CACNA2D3: variants seen among roughly 807,000 people sequenced by gnomAD.
CACNA2D3 encodes calcium voltage-gated channel auxiliary subunit alpha2delta 3.
Under a neutral mutation model 160.6 loss-of-function variants are expected in CACNA2D3, and 60 were observed. That is an observed-to-expected ratio of 0.37 (90% CI 0.30 to 0.46). The LOEUF (loss-of-function observed/expected upper bound fraction) is 0.46, where lower values mean the gene tolerates loss of function less well. Ranked by LOEUF, CACNA2D3 falls within the 20% of genes least tolerant of loss-of-function variation. The pLI is 1.00. For synonymous variants in CACNA2D3, 558 were observed against 492.9 expected (o/e 1.13, Z -1.75); for missense variants, 1,205 against 1,365.0 (o/e 0.88, Z 1.85).
At chr3:54,303,818 G>GTTTTTT (rs71617795) in intron 2 of CACNA2D3, among the ~76,000 whole-genome samples, 85 of 114,996 alleles carry the variant, frequency 7.4e-4, no homozygotes, top group South Asian at 1.4e-3. Flanking sequence ...CTTTTTTTCT[G>GTTTTTT]TTTTTTTTTT....
chr3:54,718,108 A>T (rs1701097421), intron 11 of CACNA2D3, among the ~76,000 whole-genome samples: 1 of 152,190 alleles, frequency 6.6e-6, no homozygotes. Context: ...TTAATGATTT[A>T]TAGTCATTCT....
Position 54,964,827 on chromosome 3 carries a change from T to G in CACNA2D3, c.2450-3623T>G, listed in dbSNP as rs115235317. ...GGAGAGGGTTATTCTTATTTTTTTT[T>G]TTGTTGCCTTGTTTTTTGCACTTTA... is the stretch of plus-strand genomic sequence containing the variant. On this transcript the variant is annotated intron_variant, in intron 27 of 37. Transcript: ENST00000474759. Among the ~76,000 whole-genome samples the G allele has an allele frequency of 3.7e-3, 569 of 152,210 alleles. 7 individuals are homozygous for G. Among genetic ancestry groups the G allele is most frequent in the African/African-American group, 0.011 (476 of 41,542 alleles).
intron 35 of CACNA2D3, among the ~76,000 whole-genome samples, chr3:55,028,979 A>G (rs1703624177): frequency 6.6e-6 from 1 of 152,262 alleles, no homozygotes; most frequent in South Asian, 2.1e-4. Flanking sequence ...AGCTGTGTTG[A>G]CATGTTTCGT....
At chr3:54,389,985 T>A (rs1213115840) in intron 4 of CACNA2D3, among the ~76,000 whole-genome samples, 1 of 152,240 alleles carries the variant, frequency 6.6e-6, no homozygotes, top group Non-Finnish European at 1.5e-5. Context: ...TGATTTTTTC[T>A]GGCTTCATTG....
intron 11 of CACNA2D3, among the ~76,000 whole-genome samples, chr3:54,683,962 CTTTTTTTTTTT>C (rs61481695): frequency 1.3e-4 from 14 of 110,808 alleles, no homozygotes; most frequent in South Asian, 5.7e-4. Flanking sequence ...AAATTTCCAC[CTTTTTTTTTTT>C]TTTTTTTTTT....
At chr3:54,832,536 T>C (rs1376830980) in intron 14 of CACNA2D3, among the ~76,000 whole-genome samples, 1 of 152,228 alleles carries the variant, frequency 6.6e-6, no homozygotes, top group African/African-American at 2.4e-5. Context: ...GAAATCACTC[T>C]GCGGCAGACT....
chr3:54,934,755 C>T (rs1291012436), intron 27 of CACNA2D3, among the ~76,000 whole-genome samples: 1 of 152,090 alleles, frequency 6.6e-6, no homozygotes, highest in East Asian at 1.9e-4. Context: ...TTTGTTGAGA[C>T]AGAGTGTCAC....
At position 55,073,772 on chromosome 3, in the gene CACNA2D3, T is replaced by C. The variant is rs1484230747; in HGVS notation, c.3101-5T>C. The stretch of plus-strand genomic sequence containing the variant: ...CCTTGGAAACATGCCTTAACTACAG[T>C]CAACATAATGAATCCCTTAAGTGTG... On this transcript the variant is annotated splice_region_variant and splice_polypyrimidine_tract_variant and intron_variant, in intron 36 of 37. Coordinates refer to ENST00000474759, the MANE Select transcript of CACNA2D3 (RefSeq NM_018398.3). 1 of 1,611,510 alleles carries C rather than the reference T, an allele frequency of 6.2e-7. No homozygotes were observed. The highest frequency in any genetic ancestry group is 1.1e-5 in the South Asian group (1 of 90,816).
intron 9 of CACNA2D3, among the ~76,000 whole-genome samples, chr3:54,586,606 T>A (rs1702767022): frequency 6.6e-6 from 1 of 152,166 alleles, no homozygotes; most frequent in South Asian, 2.1e-4. Context: ...CAGTCACCAG[T>A]TGATAGGCTA....
At chr3:54,204,147 C>T (rs951451609) in intron 2 of CACNA2D3, among the ~76,000 whole-genome samples, 7 of 152,064 alleles carry the variant, frequency 4.6e-5, no homozygotes, top group African/African-American at 7.2e-5. Context: ...CTCTGATTCT[C>T]GGGTCTCCAG....
chr3:54,741,592 T>G (rs72872290), intron 11 of CACNA2D3, among the ~76,000 whole-genome samples: 2,741 of 95,082 alleles, frequency 0.029, 87 homozygotes, highest in African/African-American at 0.081. Context: ...AAAAAAATAA[T>G]AAGAAAAATA....
chr3:54,870,623 G>C (rs568411712), intron 17 of CACNA2D3, among the ~76,000 whole-genome samples: 1 of 152,262 alleles, frequency 6.6e-6, no homozygotes, highest in South Asian at 2.1e-4. Flanking sequence ...AAAATGGTAG[G>C]CTTGCAGGGT....
chr3:54,858,787 A>G (rs1699223960), intron 17 of CACNA2D3, among the ~76,000 whole-genome samples: 1 of 152,172 alleles, frequency 6.6e-6, no homozygotes, highest in Admixed American at 6.5e-5. Flanking sequence ...CTGACAGCAG[A>G]ATATCCAAAT....
intron 2 of CACNA2D3, among the ~76,000 whole-genome samples, chr3:54,292,812 A>G (rs905622877): frequency 1.3e-5 from 2 of 152,230 alleles, no homozygotes; most frequent in Non-Finnish European, 2.9e-5. Flanking sequence ...TGACCCAGCA[A>G]TTTCATTCCT....
intron 16 of CACNA2D3, among the ~76,000 whole-genome samples, chr3:54,842,811 G>T (rs377544800): frequency 2.6e-5 from 4 of 151,466 alleles, no homozygotes; most frequent in African/African-American, 2.4e-5. Flanking sequence ...ATGTTCACCA[G>T]GCTGGTCTTG....
chr3:54,328,344 C>G (rs948652931), intron 3 of CACNA2D3, among the ~76,000 whole-genome samples: 1 of 152,132 alleles, frequency 6.6e-6, no homozygotes, highest in Non-Finnish European at 1.5e-5. Flanking sequence ...TGCAATGGCC[C>G]GATCTTGGCT....
intron 4 of CACNA2D3, among the ~76,000 whole-genome samples, chr3:54,432,099 C>T (rs1040944129): frequency 3.9e-5 from 6 of 152,058 alleles, no homozygotes; most frequent in African/African-American, 1.5e-4. Context: ...ACTGTGTTTT[C>T]AGGCAACACG....
intron 11 of CACNA2D3, among the ~76,000 whole-genome samples, chr3:54,729,750 A>G (rs901520392): frequency 7.2e-5 from 11 of 152,218 alleles, no homozygotes; most frequent in Non-Finnish European, 1.6e-4. Context: ...CTATAATCCC[A>G]GCACTTTGGG....
intron 4 of CACNA2D3, among the ~76,000 whole-genome samples, chr3:54,434,272 C>T (rs1700030149): frequency 6.6e-6 from 1 of 152,212 alleles, no homozygotes; most frequent in Non-Finnish European, 1.5e-5. Flanking sequence ...CTTACACTCC[C>T]ACCCAGCATC....
Sources: allele counts gnomAD v4.1 joint callset (sites outside exome capture counted in the v4.1 genomes callset), GRCh38; gene constraint gnomAD v4.1.1; transcripts MANE v1.5; gene names NCBI Gene and HGNC (gene_info 2026-07-23, HGNC 2026-07-21).